SNTG1: variants seen among roughly 807,000 people sequenced by gnomAD.
SNTG1 encodes syntrophin gamma 1.
A neutral mutation model predicts 74.7 loss-of-function variants in SNTG1; 39 were observed. The observed-to-expected ratio is 0.52, with a 90% CI of 0.40 to 0.68. The LOEUF is 0.68. Ranked by LOEUF, SNTG1 falls within the 30% of genes least tolerant of loss-of-function variation. SNTG1 has a pLI of 0.00. For synonymous variants in SNTG1, 254 were observed against 217.1 expected, an observed-to-expected ratio of 1.17 and a Z score of -1.49; for missense variants, 685 against 609.5, an observed-to-expected ratio of 1.12 and a Z score of -1.30.
intron 12 of SNTG1, among the ~76,000 whole-genome samples, chr8:50,572,275 TAGAG>T (rs71235308): frequency 0.013 from 1,894 of 148,338 alleles, 26 homozygotes; most frequent in Middle Eastern, 0.026. Flanking sequence ...TATATATATA[TAGAG>T]AGAGAGAGAG....
intron 2 of SNTG1, among the ~76,000 whole-genome samples, chr8:50,219,129 G>A (rs570035370): frequency 6.6e-6 from 1 of 152,298 alleles, no homozygotes; most frequent in East Asian, 1.9e-4. Flanking sequence ...TGGCTTATAT[G>A]GAAGGAGGAA....
At chr8:49,994,013 C>A (rs953733880) in intron 1 of SNTG1, among the ~76,000 whole-genome samples, 1 of 152,068 alleles carries the variant, frequency 6.6e-6, no homozygotes, top group African/African-American at 2.4e-5. Context: ...ACCTTCTAGT[C>A]CCTCAGGATA....
intron 17 of SNTG1, among the ~76,000 whole-genome samples, chr8:50,738,790 CA>C (rs58912248): frequency 0.37 from 50,990 of 136,562 alleles, 11,319 homozygotes; most frequent in African/African-American, 0.65. Flanking sequence ...ACAAACCTGA[CA>C]AAAAAAAAAA....
In SNTG1 at chr8:50,585,774, G is replaced by T. The variant is rs114069848; in HGVS notation, c.811-5105G>T. 4.5e-3 allele frequency among the ~76,000 whole-genome samples: 680 copies of T among 151,974 alleles called. 5 individuals are homozygous for T. Among genetic ancestry groups the T allele is most frequent in the African/African-American group, 0.015 (624 of 41,456 alleles). On this transcript the variant is annotated intron_variant, in intron 12 of 18. Coordinates refer to ENST00000642720, the MANE Select transcript of SNTG1 (RefSeq NM_018967.5). Reference sequence around the variant, plus strand: ...CATGTTTTAAAAATAAATTTAAATTGTAATTAATGTATCTTTTTGGGTTTT... The same window carrying T: ...CATGTTTTAAAAATAAATTTAAATTTTAATTAATGTATCTTTTTGGGTTTT...
chr8:50,502,538 A>G (rs1481837487), intron 8 of SNTG1, among the ~76,000 whole-genome samples: 3 of 152,220 alleles, frequency 2.0e-5, no homozygotes, highest in African/African-American at 7.2e-5. Context: ...GACCTCAACA[A>G]GTATGAATGG....
intron 11 of SNTG1, among the ~76,000 whole-genome samples, chr8:50,538,791 C>T (rs1013827922): frequency 6.6e-6 from 1 of 152,076 alleles, no homozygotes; most frequent in Non-Finnish European, 1.5e-5. Context: ...TTTCCATTCT[C>T]TCCCTCTACA....
intron 2 of SNTG1, among the ~76,000 whole-genome samples, chr8:50,202,555 C>T (rs1427563472): frequency 6.6e-6 from 1 of 152,018 alleles, no homozygotes; most frequent in Non-Finnish European, 1.5e-5. Flanking sequence ...GAATACTGTT[C>T]TATTGCACAG....
intron 2 of SNTG1, among the ~76,000 whole-genome samples, chr8:50,353,111 T>G (rs1217659487): frequency 6.6e-6 from 1 of 151,936 alleles, no homozygotes; most frequent in Non-Finnish European, 1.5e-5. Flanking sequence ...TGTAGGGACA[T>G]GGATAAAGCT....
intron 13 of SNTG1, among the ~76,000 whole-genome samples, chr8:50,621,497 TAG>T (rs1233040954): frequency 6.6e-6 from 1 of 152,220 alleles, no homozygotes; most frequent in Non-Finnish European, 1.5e-5. Flanking sequence ...ATTATTAGCT[TAG>T]AGTTAATAAA....
intron 2 of SNTG1, among the ~76,000 whole-genome samples, chr8:50,246,866 C>T (rs574454937): frequency 6.6e-6 from 1 of 152,270 alleles, no homozygotes; most frequent in South Asian, 2.1e-4. Context: ...TCTTTTTAGC[C>T]ATTGCTTCAA....
rs957917709 is a variant in SNTG1, at chr8:50,690,942, T to A, written c.1039-13658T>A. On this transcript the variant is annotated intron_variant, in intron 15 of 18. Transcript: ENST00000642720. ...TGAATCTGGGTGCTCCTGTATTGGG[T>A]GCATATATATTTAGGATAGTTAGCT... Among the ~76,000 whole-genome samples the A allele has an allele frequency of 2.0e-4, 30 of 152,212 alleles. 1 individual carries two copies. Among genetic ancestry groups the A allele is most frequent in the Non-Finnish European group, 3.7e-4 (25 of 68,038 alleles).
chr8:50,341,663 C>A (rs1261998319), intron 2 of SNTG1, among the ~76,000 whole-genome samples: 2 of 151,862 alleles, frequency 1.3e-5, no homozygotes, highest in Non-Finnish European at 2.9e-5. Flanking sequence ...TCATTTAATT[C>A]TGTTTCCCAA....
intron 13 of SNTG1, among the ~76,000 whole-genome samples, chr8:50,593,005 T>C (rs1585785641): frequency 6.6e-6 from 1 of 152,346 alleles, no homozygotes; most frequent in African/African-American, 2.4e-5. Flanking sequence ...TCCTATTTAG[T>C]AAAATCTGAG....
intron 2 of SNTG1, among the ~76,000 whole-genome samples, chr8:50,235,694 A>G (rs752741236): frequency 2.6e-5 from 4 of 152,154 alleles, no homozygotes; most frequent in Non-Finnish European, 4.4e-5. Context: ...CTCATTAGAT[A>G]AGAAGTAAGT....
intron 13 of SNTG1, among the ~76,000 whole-genome samples, chr8:50,597,284 T>C (rs1166167523): frequency 6.7e-6 from 1 of 150,158 alleles, no homozygotes; most frequent in Non-Finnish European, 1.5e-5. Flanking sequence ...TATATACATA[T>C]ATATATACAC....
upstream of SNTG1, among the ~76,000 whole-genome samples, chr8:49,910,299 C>A (rs115846012): frequency 6.6e-6 from 1 of 152,062 alleles, no homozygotes; most frequent in Non-Finnish European, 1.5e-5. Context: ...CCCGGACCCC[C>A]GTCCCCACCA....
intron 2 of SNTG1, among the ~76,000 whole-genome samples, chr8:50,285,713 C>T (rs1586959209): frequency 6.6e-6 from 1 of 151,220 alleles, no homozygotes; most frequent in Non-Finnish European, 1.5e-5. Context: ...ACAGAAATAA[C>T]AGGTAATTTA....
intron 18 of SNTG1, among the ~76,000 whole-genome samples, chr8:50,766,814 T>A (rs1400589539): frequency 2.0e-5 from 3 of 151,944 alleles, no homozygotes; most frequent in Non-Finnish European, 4.4e-5. Flanking sequence ...AATTTGCAAA[T>A]CTTTGAAAAA....
intron 15 of SNTG1, among the ~76,000 whole-genome samples, chr8:50,675,974 CT>C (rs1244511193): frequency 1.3e-5 from 2 of 151,908 alleles, no homozygotes; most frequent in Admixed American, 6.6e-5. Context: ...TCTCTTATGG[CT>C]TGTAGAATTT....
Sources: allele counts gnomAD v4.1 joint callset (sites outside exome capture counted in the v4.1 genomes callset), GRCh38; gene constraint gnomAD v4.1.1; transcripts MANE v1.5; gene names NCBI Gene and HGNC (gene_info 2026-07-23, HGNC 2026-07-21).